Variants in TBC1D14 observed in about 807,000 individuals in gnomAD.
TBC1D14 encodes the protein TBC1 domain family member 14.
TBC1D14 carries 26 observed loss-of-function variants against 79.0 expected under a neutral mutation model. The ratio of observed to expected loss-of-function variants is 0.33; its 90% confidence interval spans 0.24 to 0.46. The LOEUF (loss-of-function observed/expected upper bound fraction) is 0.46, where lower values mean the gene tolerates loss of function less well. Among genes scored for constraint, TBC1D14 ranks in the 20% least tolerant of loss-of-function variants. The pLI is 1.00. For synonymous variants in TBC1D14, 394 were observed against 349.9 expected (o/e 1.13, Z -1.40); for missense variants, 769 against 887.6 (o/e 0.87, Z 1.70).
intron 4 of TBC1D14, 138 bp from the exon 5 acceptor site, chr4:6,996,187 A>G: frequency 1.5e-6 from 1 of 667,336 alleles, no homozygotes; most frequent in Non-Finnish European, 2.6e-6. Context: ...AAAGTTTGTG[A>G]AAGAACTGTG....
chr4:7,030,505 A>G lies in TBC1D14; in HGVS notation c.*113A>G, dbSNP rs1722950601. 6.5e-6 allele frequency: 7 copies of G among 1,073,632 alleles called. No homozygotes were observed. Among genetic ancestry groups the G allele is most frequent in the Middle Eastern group, 2.8e-4 (1 of 3,512 alleles). The allele number at this position is 1,073,632 out of a possible 1,614,324, so 66.5% of individuals were successfully genotyped here. On this transcript the variant is annotated 3_prime_UTR_variant, in exon 14 of 14. Transcript: ENST00000409757. ...GAAGAACAGACGCTCTTTAAGTTTG[A>G]TTCCTAACACTGGAGTTGGCCTTAA...
At chr4:6,998,946 A>G in intron 5 of TBC1D14, 139 bp from the exon 6 acceptor site, 1 of 700,692 alleles carries the variant, frequency 1.4e-6, no homozygotes, top group Non-Finnish European at 2.5e-6. Context: ...TCAGGTGTGA[A>G]GTGAGCGCTG....
chr4:6,943,975 C>T (rs1022782478), intron 2 of TBC1D14, among the ~76,000 whole-genome samples: 3 of 152,328 alleles, frequency 2.0e-5, no homozygotes, highest in Middle Eastern at 3.4e-3. Flanking sequence ...TTTGGGTTTC[C>T]GATCGCGGGC....
intron 12 of TBC1D14, 123 bp from the exon 13 acceptor site, chr4:7,024,880 TG>T: frequency 7.5e-7 from 1 of 1,331,940 alleles, no homozygotes; most frequent in Non-Finnish European, 1.0e-6. Flanking sequence ...GGCCTGGCCC[TG>T]GCCCCAGCTG....
At chr4:6,941,180 C>CTTTTTT (rs35201238) in intron 2 of TBC1D14, among the ~76,000 whole-genome samples, 19 of 87,758 alleles carry the variant, frequency 2.2e-4, no homozygotes, top group African/African-American at 3.6e-4. Flanking sequence ...AGGAAAGCAG[C>CTTTTTT]TTTTTTTTTT....
chr4:7,002,059 A>G (rs1240696681), intron 7 of TBC1D14, among the ~76,000 whole-genome samples: 1 of 152,004 alleles, frequency 6.6e-6, no homozygotes, highest in East Asian at 1.9e-4. Flanking sequence ...TTCGCTCTCT[A>G]GTTGGGGTTT....
intron 2 of TBC1D14, among the ~76,000 whole-genome samples, chr4:6,946,617 G>A (rs145153281): frequency 4.7e-4 from 71 of 152,142 alleles, no homozygotes; most frequent in African/African-American, 1.6e-3. Flanking sequence ...CACCACATCC[G>A]GCCCCTTAGT....
intron 3 of TBC1D14, among the ~76,000 whole-genome samples, chr4:6,981,467 T>A (rs1455792640): frequency 6.6e-6 from 1 of 152,370 alleles, no homozygotes; most frequent in Middle Eastern, 3.4e-3. Context: ...TGAATCCTAC[T>A]GAACATTTAA....
chr4:6,936,345 G>C (rs180776559), intron 2 of TBC1D14, among the ~76,000 whole-genome samples: 131 of 152,296 alleles, frequency 8.6e-4, no homozygotes, highest in African/African-American at 2.6e-3. Flanking sequence ...GGAAACTACT[G>C]ATCTTTTTAC....
At chr4:6,994,434 C>A in intron 4 of TBC1D14, 132 bp downstream of exon 4, 2 of 762,328 alleles carry the variant, frequency 2.6e-6, no homozygotes, top group Non-Finnish European at 4.5e-6. Context: ...TTCTTATTCT[C>A]TATATTAACA....
At chr4:6,933,798 C>T (rs530438404) in intron 2 of TBC1D14, among the ~76,000 whole-genome samples, 1 of 152,156 alleles carries the variant, frequency 6.6e-6, no homozygotes, top group South Asian at 2.1e-4. Flanking sequence ...CCCTGAGGTG[C>T]TGTACTGAGA....
intron 2 of TBC1D14, among the ~76,000 whole-genome samples, chr4:6,925,399 C>T (rs1014337772): frequency 2.6e-5 from 4 of 152,208 alleles, no homozygotes; most frequent in Admixed American, 6.5e-5. Flanking sequence ...GTGTCTCTAG[C>T]AGAACCCACG....
intron 13 of TBC1D14, among the ~76,000 whole-genome samples, chr4:7,030,085 G>A (rs566707820): frequency 5.3e-5 from 8 of 152,288 alleles, no homozygotes; most frequent in African/African-American, 1.2e-4. Flanking sequence ...GTGCTTTGAC[G>A]TGGATTCTGT....
At chr4:6,987,295 C>A in intron 3 of TBC1D14, 3 of 1,359,586 alleles carry the variant, frequency 2.2e-6, no homozygotes, top group Non-Finnish European at 1.9e-6. Flanking sequence ...GCCGGCCCTC[C>A]GCTCGCTGGG....
At chr4:6,949,944 A>C (rs1365305044) in intron 2 of TBC1D14, among the ~76,000 whole-genome samples, 1 of 152,122 alleles carries the variant, frequency 6.6e-6, no homozygotes, top group African/African-American at 2.4e-5. Context: ...TGTGCAGAAC[A>C]TGCAGGTTTG....
chr4:6,954,676 C>T (rs1264767822), intron 2 of TBC1D14, among the ~76,000 whole-genome samples: 1 of 152,256 alleles, frequency 6.6e-6, no homozygotes, highest in African/African-American at 2.4e-5. Context: ...TCTTGGCTCA[C>T]TGCAGCCTCC....
intron 1 of TBC1D14, among the ~76,000 whole-genome samples, chr4:6,918,223 G>A (rs1274336845): frequency 6.6e-6 from 1 of 152,208 alleles, no homozygotes; most frequent in Non-Finnish European, 1.5e-5. Context: ...ATTCAGGGAA[G>A]GGTCCTTGGA....
chr4:6,923,715 C>T lies in TBC1D14; in HGVS notation c.326C>T (p.Ser109Phe). 5 of 1,613,924 alleles carry T rather than the reference C, an allele frequency of 3.1e-6. No homozygotes were observed. Among genetic ancestry groups the T allele is most frequent in the Non-Finnish European group, 4.2e-6 (5 of 1,180,046 alleles). Residue 109 changes from serine (S) to phenylalanine (F), a missense_variant, in exon 2 of 14, where the codon TCC becomes TTC. Coordinates refer to ENST00000409757, the MANE Select transcript of TBC1D14 (RefSeq NM_020773.3). The part of the protein sequence containing the change: ...RAFQSACALP[S>F]CAPPAPSSTE... ...TTCCAGAGCGCCTGCGCGCTGCCAT[C>T]CTGTGCGCCACCAGCTCCTAGCAGC... is the stretch of plus-strand genomic sequence containing the variant.
chr4:6,997,707 C>G (rs566679413), intron 5 of TBC1D14, among the ~76,000 whole-genome samples: 64 of 152,288 alleles, frequency 4.2e-4, no homozygotes, highest in Admixed American at 1.2e-3. Flanking sequence ...GAAGGAAATT[C>G]TGGCACATGT....
Sources: gnomAD v4.1 joint callset for allele counts (sites outside exome capture counted in the v4.1 genomes callset) on GRCh38, gnomAD v4.1.1 for gene constraint, MANE v1.5 for transcripts, NCBI Gene and HGNC (gene_info 2026-07-23, HGNC 2026-07-21) for gene names.